Variants in PHACTR1 observed in about 807,000 individuals in gnomAD.
PHACTR1 encodes RPEL repeat containing 1.
Under a neutral mutation model 69.2 loss-of-function variants are expected in PHACTR1, and 16 were observed. The ratio of observed to expected loss-of-function variants is 0.23; its 90% CI spans 0.16 to 0.35. The LOEUF is 0.35. Ranked by LOEUF, PHACTR1 falls within the 10% of genes least tolerant of loss-of-function variation. The pLI, the probability that PHACTR1 is intolerant of heterozygous loss-of-function variation, is 1.00. For missense variants in PHACTR1, 510 were observed against 734.7 expected (o/e 0.69, Z 3.54); for synonymous variants, 312 against 284.5 (o/e 1.10, Z -0.97).
chr6:13,272,802 T>C, intron 10 of PHACTR1, 58 bp from the exon 11 acceptor site: 2 of 1,614,014 alleles, frequency 1.2e-6, no homozygotes, highest in Non-Finnish European at 1.7e-6. Context: ...CCGAGGAAAT[T>C]AATGACCCAA....
chr6:13,282,947 A>AT (rs1780617319), intron 12 of PHACTR1, among the ~76,000 whole-genome samples: 1 of 152,202 alleles, frequency 6.6e-6, no homozygotes, highest in Non-Finnish European at 1.5e-5. Context: ...AGTACTGTGA[A>AT]TATGCTTTGA....
chr6:12,937,455 T>G (rs1789588947), intron 4 of PHACTR1, among the ~76,000 whole-genome samples: 1 of 152,014 alleles, frequency 6.6e-6, no homozygotes, highest in African/African-American at 2.4e-5. Flanking sequence ...TTCAAGCAAT[T>G]CTCCTGCCTC....
At chr6:12,765,398 A>T (rs1768485827) in intron 4 of PHACTR1, among the ~76,000 whole-genome samples, 2 of 152,238 alleles carry the variant, frequency 1.3e-5, no homozygotes, top group African/African-American at 4.8e-5. Context: ...GTAAATCCTC[A>T]GTGGCTAGCA....
intron 8 of PHACTR1, among the ~76,000 whole-genome samples, chr6:13,224,034 G>A (rs1184071294): frequency 6.6e-6 from 1 of 152,058 alleles, no homozygotes; most frequent in East Asian, 1.9e-4. Context: ...TTTGCTGACT[G>A]CTTACAAATA....
intron 5 of PHACTR1, among the ~76,000 whole-genome samples, chr6:13,153,424 T>A (rs1174342394): frequency 6.6e-6 from 1 of 152,234 alleles, no homozygotes; most frequent in Admixed American, 6.5e-5. Context: ...AAGTGAGATA[T>A]GCGAAATCTC....
intron 10 of PHACTR1, among the ~76,000 whole-genome samples, chr6:13,264,298 A>C (rs561612859): frequency 1.0e-3 from 156 of 152,054 alleles, no homozygotes; most frequent in African/African-American, 3.6e-3. Flanking sequence ...AAGCCCTCCT[A>C]CCTTCTCAGG....
chr6:12,804,651 G>A (rs940359668), intron 4 of PHACTR1, among the ~76,000 whole-genome samples: 5 of 152,116 alleles, frequency 3.3e-5, no homozygotes, highest in Admixed American at 6.6e-5. Context: ...GCGAAACCCT[G>A]TCTCTACAAA....
chr6:12,959,033 T>C (rs1192182806), intron 4 of PHACTR1, among the ~76,000 whole-genome samples: 1 of 151,812 alleles, frequency 6.6e-6, no homozygotes, highest in Non-Finnish European at 1.5e-5. Flanking sequence ...AAAAATTAGC[T>C]GGGTGTGGTG....
intron 6 of PHACTR1, among the ~76,000 whole-genome samples, chr6:13,161,138 C>T (rs1159143893): frequency 6.6e-6 from 1 of 152,070 alleles, no homozygotes; most frequent in Admixed American, 6.5e-5. Flanking sequence ...TATCACCACA[C>T]CTGGCCAATT....
Position 13,003,951 on chromosome 6 carries a change from C to CATATA in PHACTR1, c.251-49414_251-49413insATATA, listed in dbSNP as rs1491113560. ...CTTTTTTTATGGCTCAGTAGTATTC[C>CATATA]TATATATATATATGTATATATATAT... is the stretch of plus-strand genomic sequence containing the variant. On this transcript the variant is annotated intron_variant, in intron 4 of 14. Coordinates refer to ENST00000332995, the MANE Select transcript of PHACTR1 (RefSeq NM_030948.6). Among the ~76,000 whole-genome samples, 27 of 93,558 alleles carry CATATA rather than the reference C, an allele frequency of 2.9e-4. 3 individuals are homozygous for CATATA. The highest frequency in any genetic ancestry group is 2.2e-3 in the East Asian group (10 of 4,544). 61.4% of individuals were successfully genotyped at this position (93,558 alleles called of 152,430 possible).
At chr6:13,252,876 G>A in intron 10 of PHACTR1, 1 of 293,032 alleles carries the variant, frequency 3.4e-6, no homozygotes, top group South Asian at 2.8e-5. Context: ...AGAAAACTTA[G>A]CAAAATATTG....
At chr6:12,933,082 C>A (rs934503877) in intron 4 of PHACTR1, among the ~76,000 whole-genome samples, 5 of 151,664 alleles carry the variant, frequency 3.3e-5, no homozygotes, top group Non-Finnish European at 5.9e-5. Context: ...ATTACAGGCA[C>A]GCGCCACCAA....
chr6:13,165,639 G>T (rs1485092620), intron 6 of PHACTR1, among the ~76,000 whole-genome samples: 1 of 152,182 alleles, frequency 6.6e-6, no homozygotes, highest in Non-Finnish European at 1.5e-5. Context: ...TCAAGCGAAG[G>T]GGGAGGGGGT....
intron 4 of PHACTR1, among the ~76,000 whole-genome samples, chr6:12,931,666 G>A (rs1005393320): frequency 2.0e-5 from 3 of 151,948 alleles, no homozygotes; most frequent in Non-Finnish European, 4.4e-5. Flanking sequence ...TTAAACAGCG[G>A]TGATAGTCAC....
intron 5 of PHACTR1, among the ~76,000 whole-genome samples, chr6:13,126,866 G>A (rs184674079): frequency 2.6e-5 from 4 of 152,268 alleles, no homozygotes; most frequent in East Asian, 1.9e-4. Flanking sequence ...TATATACATC[G>A]TAGGAGAGGC....
At chr6:13,110,522 G>A (rs1455978806) in intron 5 of PHACTR1, among the ~76,000 whole-genome samples, 1 of 152,206 alleles carries the variant, frequency 6.6e-6, no homozygotes, top group East Asian at 1.9e-4. Context: ...AAACGCAGGA[G>A]GATTTCTGTA....
intron 8 of PHACTR1, among the ~76,000 whole-genome samples, chr6:13,220,101 A>G (rs1768367807): frequency 6.6e-6 from 1 of 152,236 alleles, no homozygotes; most frequent in Non-Finnish European, 1.5e-5. Flanking sequence ...ACGCTTTCAT[A>G]GGGCACTAAA....
chr6:13,048,482 A>C (rs1002832025), intron 4 of PHACTR1, among the ~76,000 whole-genome samples: 1 of 150,884 alleles, frequency 6.6e-6, no homozygotes, highest in African/African-American at 2.5e-5. Flanking sequence ...GCAATGGGAG[A>C]CCACTTTATC....
At chr6:12,825,783 T>C (rs1181594786) in intron 4 of PHACTR1, among the ~76,000 whole-genome samples, 2 of 152,210 alleles carry the variant, frequency 1.3e-5, no homozygotes, top group Non-Finnish European at 2.9e-5. Context: ...TGTCTCATTC[T>C]CATCTGCTAG....
Sources: gnomAD v4.1 joint callset for allele counts (sites outside exome capture counted in the v4.1 genomes callset) on GRCh38, gnomAD v4.1.1 for gene constraint, MANE v1.5 for transcripts, NCBI Gene and HGNC (gene_info 2026-07-23, HGNC 2026-07-21) for gene names.